Variants in PAXIP1 observed in about 807,000 individuals in gnomAD.
PAXIP1 encodes the protein PAX interacting protein 1, also known as PAX-interacting protein 1.
In PAXIP1, 19 loss-of-function variants were observed where a neutral mutation model predicts 140.6. That is an observed-to-expected ratio of 0.14 (90% confidence interval 0.09 to 0.20). The LOEUF (loss-of-function observed/expected upper bound fraction) is 0.20. Among genes scored for constraint, PAXIP1 ranks in the 10% least tolerant of loss-of-function variants. PAXIP1 has a pLI of 1.00. For synonymous variants in PAXIP1, 442 were observed against 444.6 expected, an observed-to-expected ratio of 0.99 and a Z score of 0.07; for missense variants, 920 against 1,208.6, an observed-to-expected ratio of 0.76 and a Z score of 3.54.
intron 5 of PAXIP1, among the ~76,000 whole-genome samples, chr7:154,977,981 G>A (rs4960570): frequency 0.53 from 74,063 of 140,084 alleles, 20,560 homozygotes; most frequent in Middle Eastern, 0.62. Context: ...ATTTTCGAAC[G>A]CAGACCAAAT....
chr7:154,950,659 T>C (rs1461049190), intron 16 of PAXIP1: 1 of 152,270 alleles, frequency 6.6e-6, no homozygotes, highest in Non-Finnish European at 1.5e-5. Flanking sequence ...AAAACTTACG[T>C]CCACACTAAA....
In PAXIP1 at chr7:154,946,009, T is replaced by G. The variant is rs1807956323; in HGVS notation, c.3194+356A>C. The G allele has an allele frequency of 3.0e-6, 3 of 984,880 alleles. No homozygotes were observed. The South Asian group carries it at 1.4e-4, about 46-fold the overall frequency. The allele number at this position is 984,880 out of a possible 1,614,324, so 61.0% of individuals were successfully genotyped here. On this transcript the variant is annotated intron_variant, in intron 20 of 20. Transcript: ENST00000404141. This position sits in a 1 kb window ranked among gnomAD's most constrained non-coding sequence, Gnocchi z 4.9. ...AGACTATATACGAACTAAATTTCAT[T>G]TGGAAAACTACAAACTCAAAGGTGA...
At position 154,973,077 on chromosome 7, in the gene PAXIP1, C is replaced by A. The variant is rs975415203; in HGVS notation, c.1074+2619G>T. 4.6e-5 allele frequency among the ~76,000 whole-genome samples: 7 copies of A among 152,192 alleles called. No homozygotes were observed. The highest frequency in any genetic ancestry group is 1.0e-4 in the Non-Finnish European group (7 of 68,044). ...CATTGGGCGGTGCTGGAGCTGGCTC[C>A]TTCTGTGCATCTACCTTTTCCCTAA... On this transcript the variant is annotated intron_variant, in intron 6 of 20. Coordinates refer to ENST00000404141, the MANE Select transcript of PAXIP1 (RefSeq NM_007349.4). The surrounding 1 kb of genome is among the most constrained non-coding windows in gnomAD (Gnocchi z 4.0).
rs199914099 is a variant in PAXIP1, at chr7:154,963,715, T to A, written c.1945A>T (p.Thr649Ser). The part of the protein sequence containing the change: ...TVDPTFTSRC[T>S]HLLCESQVSS... Reference sequence around the variant, plus strand: ...ACTTGACTCTCACAGAGAAGGTGCGTGCATCGACTCGTGAAGGTGGGGTCA... The same window carrying A: ...ACTTGACTCTCACAGAGAAGGTGCGAGCATCGACTCGTGAAGGTGGGGTCA... Residue 649 changes from threonine (T) to serine (S), a missense_variant, in exon 9 of 21, where the codon ACG (threonine) becomes TCG (serine). By Grantham distance (58) the Thr-to-Ser change is moderately conservative. This residue lies in a region of PAXIP1 where 303 missense variants were observed against 517.9 expected (regional missense o/e 0.59). Coordinates refer to ENST00000404141, the MANE Select transcript of PAXIP1 (RefSeq NM_007349.4). The surrounding 1 kb of genome is among the most constrained non-coding windows in gnomAD (Gnocchi z 4.1). 1 of 1,613,710 alleles carries A rather than the reference T, an allele frequency of 6.2e-7. No individual in the cohort carries two copies. Among genetic ancestry groups the A allele is most frequent in the Non-Finnish European group, 8.5e-7 (1 of 1,179,798 alleles).
Position 155,001,525 on chromosome 7 carries a change from C to T in PAXIP1, c.81+1324G>A, listed in dbSNP as rs1256723689. On this transcript the variant is annotated intron_variant, in intron 1 of 20. Transcript: ENST00000404141. ...TTTTTTTTTTTTTTTGAGACGGAGT[C>T]TAGCTGTTGTTGCCCAGGCTGGAGT... 17 of 146,838 alleles carry T rather than the reference C, an allele frequency of 1.2e-4. 2 individuals are homozygous for T. The highest frequency in any genetic ancestry group is 4.4e-4 in the African/African-American group (17 of 39,010). 9.1% of individuals were successfully genotyped at this position (146,838 alleles called of 1,614,324 possible).
Position 154,983,337 on chromosome 7 carries a change from C to T in PAXIP1, c.325-5G>A, listed in dbSNP as rs1285148473. 2 of 1,477,742 alleles carry T rather than the reference C, an allele frequency of 1.4e-6. No homozygotes were observed. Among genetic ancestry groups the T allele is most frequent in the Admixed American group, 1.7e-5 (1 of 58,992 alleles). The allele number at this position is 1,477,742 out of a possible 1,614,324, so 91.5% of individuals were successfully genotyped here. On this transcript the variant is annotated splice_region_variant and splice_polypyrimidine_tract_variant and intron_variant, in intron 4 of 20. Transcript: ENST00000404141. ...ACTTCTGTCTTCAGATGACACCTGA[C>T]AGAAAGTTAGAAAGAAGGCTTTTAC...
rs1396595946 is a variant in PAXIP1 at position 154,954,172 on chromosome 7, T to G, written c.2821+83A>C. On this transcript the variant is annotated intron_variant, in intron 16 of 20. Coordinates refer to ENST00000404141, the MANE Select transcript of PAXIP1 (RefSeq NM_007349.4). This position sits in a 1 kb window ranked among gnomAD's most constrained non-coding sequence, Gnocchi z 5.1. ...ATCACATAGTTTAAAAATTAAATATTTGTTGGGATGAAAAGAGATGAATTC... is the reference window on the plus strand; with the variant it reads ...ATCACATAGTTTAAAAATTAAATATGTGTTGGGATGAAAAGAGATGAATTC... 2 of 950,348 alleles carry G rather than the reference T, an allele frequency of 2.1e-6. No homozygotes were observed. The highest frequency in any genetic ancestry group is 1.7e-5 in the African/African-American group (1 of 60,056). The allele number at this position is 950,348 out of a possible 1,614,324, so 58.9% of individuals were successfully genotyped here.
intron 2 of PAXIP1, 42 bp downstream of exon 2, chr7:154,998,608 T>C (rs750188825): frequency 3.9e-6 from 6 of 1,547,656 alleles, no homozygotes; most frequent in East Asian, 4.5e-5. Flanking sequence ...GCTTGCAAGA[T>C]ACTGAGGAAA....
chr7:154,986,195 C>CAGA lies in PAXIP1; in HGVS notation c.325-2866_325-2864dup. ...TATCAACACCCTGACGGGGAAAAGACAGAAGGTCACTGAGAACCACCAAGA... is the reference window on the plus strand; with the variant it reads ...TATCAACACCCTGACGGGGAAAAGACAGAAGAAGGTCACTGAGAACCACCAAGA... On this transcript the variant is annotated intron_variant, in intron 4 of 20. Coordinates refer to ENST00000404141, the MANE Select transcript of PAXIP1 (RefSeq NM_007349.4). The surrounding 1 kb of genome is among the most constrained non-coding windows in gnomAD (Gnocchi z 4.8). 1 of 1,353,492 alleles carries CAGA rather than the reference C, an allele frequency of 7.4e-7. No individual in the cohort carries two copies. Among genetic ancestry groups the CAGA allele is most frequent in the East Asian group, 4.6e-5 (1 of 21,676 alleles). The allele number at this position is 1,353,492 out of a possible 1,614,324, so 83.8% of individuals were successfully genotyped here.
rs1419848570 is a variant in PAXIP1 at position 154,945,914 on chromosome 7, G to A, written c.3194+451C>T. 4 of 985,240 alleles carry A rather than the reference G, an allele frequency of 4.1e-6. No homozygotes were observed. The African/African-American group carries it at 7.0e-5, about 17-fold the overall frequency. 61.0% of individuals were successfully genotyped at this position (985,240 alleles called of 1,614,324 possible). A position where few individuals can be genotyped will look rare whatever the true frequency, so the allele number is the denominator to read the frequency against. The stretch of plus-strand genomic sequence containing the variant: ...GACCTTTGCATTTTCCTGACATGTT[G>A]ATGAAGTATTCATTCTGCCGCTTCC... On this transcript the variant is annotated intron_variant, in intron 20 of 20. Coordinates refer to ENST00000404141, the MANE Select transcript of PAXIP1 (RefSeq NM_007349.4).
At chr7:154,999,822 G>C (rs1426943216) in intron 1 of PAXIP1, among the ~76,000 whole-genome samples, 1 of 152,166 alleles carries the variant, frequency 6.6e-6, no homozygotes, top group Non-Finnish European at 1.5e-5. Flanking sequence ...TACATAGATG[G>C]GAGCCACAGC....
At chr7:154,983,468 T>C (rs1038985511) in intron 4 of PAXIP1, 136 bp from the exon 5 acceptor site, 4 of 591,474 alleles carry the variant, frequency 6.8e-6, no homozygotes, top group Non-Finnish European at 1.2e-5. Flanking sequence ...GTAGAAAAAA[T>C]AGAGAAGCTT....
chr7:155,002,954 G>A lies in PAXIP1; in HGVS notation c.-25C>T, dbSNP rs774603138. On this transcript the variant is annotated 5_prime_UTR_variant, in exon 1 of 21. Transcript: ENST00000404141. ...TGATCGCGGCGGCCCGGGAGGCTCC[G>A]CGGCGGCGCCCGGCCCCGCCCACCC... 8.5e-7 allele frequency: 1 copy of A among 1,171,140 alleles called. No individual in the cohort carries two copies. The highest frequency in any genetic ancestry group is 1.1e-6 in the Non-Finnish European group (1 of 923,306). 72.5% of individuals were successfully genotyped at this position (1,171,140 alleles called of 1,614,324 possible). A position where few individuals can be genotyped will look rare whatever the true frequency, so the allele number is the denominator to read the frequency against.
In PAXIP1 at chr7:154,963,856, TATC is replaced by T. The variant is rs1808878884; in HGVS notation, c.1894-93_1894-91del. On this transcript the variant is annotated intron_variant, in intron 8 of 20. Coordinates refer to ENST00000404141, the MANE Select transcript of PAXIP1 (RefSeq NM_007349.4). This position sits in a 1 kb window ranked among gnomAD's most constrained non-coding sequence, Gnocchi z 4.1. Reference sequence around the variant, plus strand: ...AAATAAGGCAGCTATTAAAAGACTCTATCATATATTTATATCATGTATTTCCTC... The same window carrying T: ...AAATAAGGCAGCTATTAAAAGACTCTATATATTTATATCATGTATTTCCTC... 1.2e-6 allele frequency: 1 copy of T among 809,308 alleles called. No homozygotes were observed. Among genetic ancestry groups the T allele is most frequent in the Non-Finnish European group, 2.1e-6 (1 of 474,164 alleles). 50.1% of individuals were successfully genotyped at this position (809,308 alleles called of 1,614,324 possible). A position where few individuals can be genotyped will look rare whatever the true frequency, so the allele number is the denominator to read the frequency against.
At chr7:154,948,237 T>C (rs961283485) in intron 16 of PAXIP1, 2 of 491,956 alleles carry the variant, frequency 4.1e-6, no homozygotes, top group African/African-American at 1.9e-5. Flanking sequence ...ATTAACCATT[T>C]GGGGTCATAA....
At position 154,961,626 on chromosome 7, in the gene PAXIP1, A is replaced by G; in HGVS notation, c.2150T>C (p.Val717Ala). 1 of 1,601,468 alleles carries G rather than the reference A, an allele frequency of 6.2e-7. No homozygotes were observed. Among genetic ancestry groups the G allele is most frequent in the African/African-American group, 1.3e-5 (1 of 74,786 alleles). The change falls in exon 11 of 21, where the codon GTT becomes GCT. Residue 717 changes from valine (V) to alanine (A), a missense_variant. Transcript: ENST00000404141. Reference protein sequence around the residue: ...SQHIISVTGFVDSDRDDLKLM... With the variant: ...SQHIISVTGFADSDRDDLKLM... ...TTTTAGGTCATCTCTGTCACTATCA[A>G]CAAATCCAGTCACAGAAATAATCTA...
At chr7:154,991,233 G>C (rs778569857) in intron 3 of PAXIP1, among the ~76,000 whole-genome samples, 164 bp from the exon 4 acceptor site, 18 of 152,176 alleles carry the variant, frequency 1.2e-4, no homozygotes, top group Admixed American at 4.6e-4. Context: ...AGAGAGTAGT[G>C]GGTGGCACAG....
In PAXIP1 at chr7:154,973,563, C is replaced by T. The variant is rs34791413; in HGVS notation, c.1074+2133G>A. 5.3e-4 allele frequency among the ~76,000 whole-genome samples: 81 copies of T among 152,290 alleles called. No homozygotes were observed. Among genetic ancestry groups the T allele is most frequent in the South Asian group, 1.5e-3 (7 of 4,824 alleles). ...ATCTAAAGGGCATGTTTGCCTCTAT[C>T]TTACTCTGGATGCCAGCCAACCGCT... On this transcript the variant is annotated intron_variant, in intron 6 of 20. Transcript: ENST00000404141. The surrounding 1 kb of genome is among the most constrained non-coding windows in gnomAD (Gnocchi z 4.0).
chr7:154,999,034 T>C (rs1810768371), intron 1 of PAXIP1, among the ~76,000 whole-genome samples: 3 of 152,226 alleles, frequency 2.0e-5, no homozygotes, highest in Admixed American at 2.0e-4. Flanking sequence ...AGTCCAGTAG[T>C]GGACATGGTC....
Sources: allele counts gnomAD v4.1 joint callset (sites outside exome capture counted in the v4.1 genomes callset), GRCh38; gene constraint gnomAD v4.1.1; regional missense constraint gnomAD v4.1.1; non-coding constraint Gnocchi (gnomAD v3.1); transcripts MANE v1.5; gene names NCBI Gene and HGNC (gene_info 2026-07-23, HGNC 2026-07-21).